HPSE2: variants seen among roughly 807,000 people sequenced by gnomAD.
HPSE2 encodes inactive heparanase-2.
HPSE2 carries 38 observed loss-of-function variants against 60.5 expected under a neutral mutation model. The ratio of observed to expected loss-of-function variants is 0.63; its 90% CI spans 0.48 to 0.82. The LOEUF (loss-of-function observed/expected upper bound fraction) is 0.82, where lower values mean the gene tolerates loss of function less well. Among genes scored for constraint, HPSE2 ranks in the 40% least tolerant of loss-of-function variants. The pLI, the probability that HPSE2 is intolerant of heterozygous loss-of-function variation, is 0.00. For synonymous variants in HPSE2, 295 were observed against 293.2 expected, an observed-to-expected ratio of 1.01 and a Z score of -0.06; for missense variants, 713 against 740.4, an observed-to-expected ratio of 0.96 and a Z score of 0.43.
chr10:99,008,552 T>C (rs1028192422), intron 3 of HPSE2, among the ~76,000 whole-genome samples: 13 of 152,236 alleles, frequency 8.5e-5, no homozygotes, highest in African/African-American at 2.9e-4. Flanking sequence ...GGACAATCTT[T>C]TCCTGGCAGA....
At chr10:98,804,586 A>G (rs1235124276) in intron 3 of HPSE2, among the ~76,000 whole-genome samples, 2 of 152,144 alleles carry the variant, frequency 1.3e-5, no homozygotes, top group African/African-American at 4.8e-5. Flanking sequence ...ATGAGATACC[A>G]TCTCACCCCA....
At chr10:98,879,847 ATGTGCG>A (rs1319721470) in intron 3 of HPSE2, among the ~76,000 whole-genome samples, 8 of 88,904 alleles carry the variant, frequency 9.0e-5, no homozygotes, top group South Asian at 4.8e-4. Flanking sequence ...GTTGGTGTGC[ATGTGCG>A]TGTGTGTGTG....
At chr10:98,642,881 A>G (rs1054814755) in intron 6 of HPSE2, among the ~76,000 whole-genome samples, 2 of 152,158 alleles carry the variant, frequency 1.3e-5, no homozygotes, top group Non-Finnish European at 2.9e-5. Context: ...CTAATGATAA[A>G]TTATTTCATT....
intron 10 of HPSE2, 29 bp from the exon 11 acceptor site, chr10:98,482,811 A>AGAT (rs1941294085): frequency 1.9e-6 from 3 of 1,613,146 alleles, no homozygotes; most frequent in Non-Finnish European, 2.5e-6. Flanking sequence ...GAGAAGTGAA[A>AGAT]GATGGAAACA....
intron 9 of HPSE2, among the ~76,000 whole-genome samples, chr10:98,515,318 C>T (rs181175929): frequency 6.6e-6 from 1 of 152,272 alleles, no homozygotes; most frequent in East Asian, 1.9e-4. Flanking sequence ...ACCTACATTC[C>T]CTTCCTCCTT....
At chr10:99,168,922 T>C (rs1847189643) in intron 2 of HPSE2, among the ~76,000 whole-genome samples, 1 of 152,060 alleles carries the variant, frequency 6.6e-6, no homozygotes, top group African/African-American at 2.4e-5. Context: ...TGGCCGGGCA[T>C]GGTGGCTTGC....
chr10:99,216,191 T>TTTTA (rs1288319237), intron 2 of HPSE2, among the ~76,000 whole-genome samples: 1 of 145,776 alleles, frequency 6.9e-6, no homozygotes, highest in East Asian at 2.0e-4. Flanking sequence ...ACCTAAACTT[T>TTTTA]TTTTTTTTTT....
chr10:98,949,242 G>A (rs112256118), intron 3 of HPSE2, among the ~76,000 whole-genome samples: 4 of 96,808 alleles, frequency 4.1e-5, no homozygotes, highest in East Asian at 6.1e-4. Context: ...ACACGCACAC[G>A]CATGCGTGCA....
Position 98,614,035 on chromosome 10 carries a change from C to T in HPSE2, c.1320+869G>A, listed in dbSNP as rs148951231. The stretch of plus-strand genomic sequence containing the variant: ...TCCTTTTCTTTCCTAGATAAGTTGA[C>T]GCTCTTGGTAAATCCCCTCATTGTC... On this transcript the variant is annotated intron_variant, in intron 9 of 11. Coordinates refer to ENST00000370552, the MANE Select transcript of HPSE2 (RefSeq NM_021828.5). Among the ~76,000 whole-genome samples the T allele has an allele frequency of 7.2e-5, 11 of 152,258 alleles. No individual in the cohort carries two copies. In the East Asian group the frequency reaches 1.7e-3, roughly 24 times the overall value.
At chr10:99,212,426 TAAATA>T (rs1848982707) in intron 2 of HPSE2, among the ~76,000 whole-genome samples, 1 of 151,986 alleles carries the variant, frequency 6.6e-6, no homozygotes, top group Non-Finnish European at 1.5e-5. Flanking sequence ...CATCAACAGA[TAAATA>T]AAGAAAATGT....
At position 98,768,540 on chromosome 10, in the gene HPSE2, A is replaced by G. The variant is rs1000660751; in HGVS notation, c.611-24484T>C. 2.0e-5 allele frequency among the ~76,000 whole-genome samples: 3 copies of G among 152,310 alleles called. No homozygotes were observed. In the East Asian group the frequency reaches 5.8e-4, roughly 29 times the overall value. The stretch of plus-strand genomic sequence containing the variant: ...TTATTTGATGACTTGATCATATTTG[A>G]TCTTGTAGTTTTCAAGTTTAGCATC... On this transcript the variant is annotated intron_variant, in intron 3 of 11. Coordinates refer to ENST00000370552, the MANE Select transcript of HPSE2 (RefSeq NM_021828.5).
At chr10:98,568,253 A>G (rs1187038833) in intron 9 of HPSE2, among the ~76,000 whole-genome samples, 3 of 152,234 alleles carry the variant, frequency 2.0e-5, no homozygotes, top group African/African-American at 7.2e-5. Flanking sequence ...TGAAGTCCTT[A>G]GTTTAAAATC....
chr10:98,759,290 C>A (rs7474758), intron 3 of HPSE2, among the ~76,000 whole-genome samples: 28,242 of 152,002 alleles, frequency 0.19, 3,100 homozygotes, highest in East Asian at 0.34. Flanking sequence ...TCATGACACA[C>A]AATTTACCCA....
chr10:98,696,608 TG>T (rs1191002275), intron 5 of HPSE2, among the ~76,000 whole-genome samples: 1 of 9,512 alleles, frequency 1.1e-4, no homozygotes, highest in Non-Finnish European at 4.9e-3. Context: ...GTCCCAACCA[TG>T]GAATGCGTAG....
chr10:98,915,764 G>T (rs1439565801), intron 3 of HPSE2, among the ~76,000 whole-genome samples: 1 of 152,124 alleles, frequency 6.6e-6, no homozygotes, highest in Non-Finnish European at 1.5e-5. Context: ...ATTTTCAAGT[G>T]GGAAAAGAAA....
intron 6 of HPSE2, among the ~76,000 whole-genome samples, chr10:98,642,186 AT>A (rs1441136287): frequency 3.3e-5 from 5 of 152,072 alleles, no homozygotes; most frequent in African/African-American, 1.2e-4. Context: ...GTGAAACCCC[AT>A]TGCTTACTTG....
intron 3 of HPSE2, among the ~76,000 whole-genome samples, chr10:98,983,612 G>C (rs1241842697): frequency 6.6e-6 from 1 of 152,202 alleles, no homozygotes; most frequent in Non-Finnish European, 1.5e-5. Flanking sequence ...ATGGGTCGTG[G>C]GTCCATTCCT....
intron 6 of HPSE2, among the ~76,000 whole-genome samples, chr10:98,682,263 T>C (rs1238129684): frequency 3.9e-5 from 6 of 152,220 alleles, no homozygotes; most frequent in Non-Finnish European, 8.8e-5. Context: ...TGCTCCCACT[T>C]TGCTTTCCAC....
intron 2 of HPSE2, among the ~76,000 whole-genome samples, chr10:99,219,042 T>G (rs763841418): frequency 2.0e-5 from 3 of 152,258 alleles, no homozygotes; most frequent in Non-Finnish European, 4.4e-5. Flanking sequence ...GCTTAGTGAC[T>G]AAGTCACCAG....
Sources: gnomAD v4.1 joint callset for allele counts (sites outside exome capture counted in the v4.1 genomes callset) on GRCh38, gnomAD v4.1.1 for gene constraint, MANE v1.5 for transcripts, NCBI Gene and HGNC (gene_info 2026-07-23, HGNC 2026-07-21) for gene names.